PKD2L2: variants seen among roughly 807,000 people sequenced by gnomAD.
PKD2L2 encodes the protein polycystin 2 like 2, transient receptor potential cation channel.
PKD2L2 carries 67 observed loss-of-function variants against 83.9 expected under a neutral mutation model. That is an observed-to-expected ratio of 0.80 (90% CI 0.66 to 0.98). The LOEUF is 0.98. Ranked by LOEUF, PKD2L2 falls within the 50% of genes least tolerant of loss-of-function variation. The pLI is 0.00. For synonymous variants in PKD2L2, 223 were observed against 237.8 expected (o/e 0.94, Z 0.57); for missense variants, 632 against 717.2 (o/e 0.88, Z 1.36).
chr5:137,891,398 G>A (rs1755970768), intron 2 of PKD2L2, among the ~76,000 whole-genome samples: 1 of 151,792 alleles, frequency 6.6e-6, no homozygotes, highest in Non-Finnish European at 1.5e-5. Context: ...ACAGGAGGTC[G>A]AGGCTGCAGT....
chr5:137,934,099 C>T (rs1760107076), intron 12 of PKD2L2, among the ~76,000 whole-genome samples: 1 of 152,052 alleles, frequency 6.6e-6, no homozygotes, highest in African/African-American at 2.4e-5. Context: ...TGAGATATTG[C>T]AGGAGTGTAA....
Position 137,931,454 on chromosome 5 carries a change from A to G in PKD2L2, c.1672-4343A>G, listed in dbSNP as rs371122595. Among the ~76,000 whole-genome samples the G allele has an allele frequency of 1.2e-4, 18 of 152,370 alleles. No individual in the cohort carries two copies. In the East Asian group the frequency reaches 2.7e-3, roughly 23 times the overall value. ...GCAAAAATCCTAAATATTAGCAGAT[A>G]GAATCTAACAGCACACAATAATATA... On this transcript the variant is annotated intron_variant, in intron 12 of 14. Transcript: ENST00000508883.
intron 14 of PKD2L2, chr5:137,939,976 G>T: frequency 1.3e-6 from 2 of 1,538,604 alleles, no homozygotes; most frequent in South Asian, 1.3e-5. Flanking sequence ...ACAAAACAAT[G>T]AAGTAAACCA....
At chr5:137,907,612 G>C (rs2150021118) in intron 6 of PKD2L2, 130 bp from the exon 7 acceptor site, 1 of 460,562 alleles carries the variant, frequency 2.2e-6, no homozygotes, top group South Asian at 7.3e-5. Flanking sequence ...TTATGTAAAA[G>C]CATATGTCCT....
intron 10 of PKD2L2, among the ~76,000 whole-genome samples, chr5:137,923,757 A>G (rs1473573762): frequency 6.6e-6 from 1 of 152,212 alleles, no homozygotes; most frequent in Non-Finnish European, 1.5e-5. Flanking sequence ...ATTATTTCAG[A>G]GTTCAATATA....
chr5:137,890,565 T>A lies in PKD2L2; in HGVS notation c.116T>A (p.Leu39Ter), dbSNP rs759461083. The change falls in exon 2 of 15, where the codon TTA becomes TAA. Residue 39 changes from leucine to a stop codon, truncating the protein, a stop_gained. Coordinates refer to ENST00000508883, the MANE Select transcript of PKD2L2 (RefSeq NM_001300921.2). LOFTEE classifies it high-confidence loss of function. ...LQELLLYFIF[L>*]INLCILTFGM... is the part of the protein sequence containing the mutation. ...GAATTGTTACTCTACTTTATTTTTTTAATAAACCTATGTATATGTAAGTAC... is the reference window on the plus strand; with the variant it reads ...GAATTGTTACTCTACTTTATTTTTTAAATAAACCTATGTATATGTAAGTAC... 10 of 1,438,230 alleles carry A rather than the reference T, an allele frequency of 7.0e-6. No individual in the cohort carries two copies. Among genetic ancestry groups the A allele is most frequent in the South Asian group, 1.2e-5 (1 of 80,352 alleles). 89.1% of individuals were successfully genotyped at this position (1,438,230 alleles called of 1,614,324 possible).
At chr5:137,915,065 T>A (rs1169168222) in intron 8 of PKD2L2, among the ~76,000 whole-genome samples, 1 of 152,240 alleles carries the variant, frequency 6.6e-6, no homozygotes, top group Non-Finnish European at 1.5e-5. Context: ...TCATTAGGTA[T>A]ATTGGCCTGT....
chr5:137,924,903 C>T lies in PKD2L2; in HGVS notation c.1552-137C>T. On this transcript the variant is annotated intron_variant, in intron 10 of 14. Coordinates refer to ENST00000508883, the MANE Select transcript of PKD2L2 (RefSeq NM_001300921.2). Reference sequence around the variant, plus strand: ...AGCAATGAGGTGAAAGAAGGATAATCATAGCATTTACCTCCACAGTCCTTT... The same window carrying T: ...AGCAATGAGGTGAAAGAAGGATAATTATAGCATTTACCTCCACAGTCCTTT... 3 of 625,452 alleles carry T rather than the reference C, an allele frequency of 4.8e-6. No individual in the cohort carries two copies. The South Asian group carries it at 6.1e-5, about 13-fold the overall frequency. 38.7% of individuals were successfully genotyped at this position (625,452 alleles called of 1,614,324 possible). A position where few individuals can be genotyped will look rare whatever the true frequency, so the allele number is the denominator to read the frequency against.
chr5:137,901,904 A>G (rs976572781), intron 5 of PKD2L2, among the ~76,000 whole-genome samples: 1 of 152,174 alleles, frequency 6.6e-6, no homozygotes, highest in Non-Finnish European at 1.5e-5. Flanking sequence ...CTGAAACAAC[A>G]AATACCCGCT....
intron 8 of PKD2L2, among the ~76,000 whole-genome samples, chr5:137,914,548 T>G (rs1758154018): frequency 6.6e-6 from 1 of 152,206 alleles, no homozygotes; most frequent in South Asian, 2.1e-4. Context: ...CTTTAAGGGT[T>G]TCTATAAATA....
At chr5:137,940,410 T>C (rs1761308578) in intron 14 of PKD2L2, 2 of 1,241,656 alleles carry the variant, frequency 1.6e-6, no homozygotes, top group East Asian at 4.7e-5. Context: ...GATCCAAAAG[T>C]TGTCTTAATA....
chr5:137,910,231 CAATAATAAT>C (rs67797320), intron 8 of PKD2L2, among the ~76,000 whole-genome samples: 9,637 of 138,866 alleles, frequency 0.069, 407 homozygotes, highest in South Asian at 0.12. Context: ...ATCTCTAAAA[CAATAATAAT>C]AATAATAATA....
At chr5:137,910,497 G>T (rs1221798667) in intron 8 of PKD2L2, among the ~76,000 whole-genome samples, 3 of 151,948 alleles carry the variant, frequency 2.0e-5, no homozygotes, top group African/African-American at 2.4e-5. Flanking sequence ...GATGGGCCGG[G>T]TGCGATGGTT....
At chr5:137,898,679 G>A (rs1367504723) in intron 4 of PKD2L2, among the ~76,000 whole-genome samples, 2 of 151,874 alleles carry the variant, frequency 1.3e-5, no homozygotes, top group African/African-American at 2.4e-5. Context: ...TCAGCCTCCT[G>A]GGTAGCTGGG....
rs770455847 is a variant in PKD2L2 at position 137,925,034 on chromosome 5, G to A, written c.1552-6G>A. Reference sequence around the variant, plus strand: ...GCATTTTCAAACTATTTTAAATTATGCCCAGAGTTACAAAAATGTTCTCGA... The same window carrying A: ...GCATTTTCAAACTATTTTAAATTATACCCAGAGTTACAAAAATGTTCTCGA... On this transcript the variant is annotated splice_region_variant and splice_polypyrimidine_tract_variant and intron_variant, in intron 10 of 14. Coordinates refer to ENST00000508883, the MANE Select transcript of PKD2L2 (RefSeq NM_001300921.2). The A allele has an allele frequency of 1.9e-6, 3 of 1,545,274 alleles. No individual in the cohort carries two copies. Among genetic ancestry groups the A allele is most frequent in the East Asian group, 4.5e-5 (2 of 44,468 alleles).
intron 9 of PKD2L2, among the ~76,000 whole-genome samples, chr5:137,922,332 G>A (rs1758984557): frequency 6.6e-6 from 1 of 152,192 alleles, no homozygotes; most frequent in South Asian, 2.1e-4. Context: ...GTGAGCTGGT[G>A]GGGTAAGAAT....
chr5:137,928,383 CAAAA>C (rs57825667), intron 12 of PKD2L2, among the ~76,000 whole-genome samples: 43 of 111,476 alleles, frequency 3.9e-4, no homozygotes, highest in Admixed American at 4.7e-4. Flanking sequence ...ACAAAAAGTA[CAAAA>C]AAAAAAAAAA....
chr5:137,938,861 G>A (rs1428628603), intron 14 of PKD2L2: 4 of 152,160 alleles, frequency 2.6e-5, no homozygotes, highest in Non-Finnish European at 1.5e-5. Context: ...CCATGCATGA[G>A]TCATTGCATG....
At chr5:137,929,120 T>C (rs934612095) in intron 12 of PKD2L2, among the ~76,000 whole-genome samples, 1 of 152,128 alleles carries the variant, frequency 6.6e-6, no homozygotes, top group African/African-American at 2.4e-5. Flanking sequence ...TTGTTGATCA[T>C]AGCAGGGAAA....
Sources: gnomAD v4.1 joint callset for allele counts (sites outside exome capture counted in the v4.1 genomes callset) on GRCh38, gnomAD v4.1.1 for gene constraint, MANE v1.5 for transcripts, NCBI Gene and HGNC (gene_info 2026-07-23, HGNC 2026-07-21) for gene names.